KLHL2: variants seen among roughly 807,000 people sequenced by gnomAD.
KLHL2 encodes the protein kelch-like protein 2.
In KLHL2, 15 loss-of-function variants were observed where a neutral mutation model predicts 75.8. The ratio of observed to expected loss-of-function variants is 0.20; its 90% CI spans 0.13 to 0.30. KLHL2 has a LOEUF of 0.30. Among genes scored for constraint, KLHL2 ranks in the 10% least tolerant of loss-of-function variants. KLHL2 has a pLI of 1.00. For missense variants in KLHL2, 381 were observed against 741.0 expected, an observed-to-expected ratio of 0.51 and a Z score of 5.64; for synonymous variants, 214 against 251.9, an observed-to-expected ratio of 0.85 and a Z score of 1.42.
intron 1 of KLHL2, among the ~76,000 whole-genome samples, chr4:165,211,368 C>A (rs1737191669): frequency 6.6e-6 from 1 of 152,052 alleles, no homozygotes; most frequent in Non-Finnish European, 1.5e-5. Flanking sequence ...AAAAACTTAG[C>A]CTTATGAAAA....
At chr4:165,296,953 C>T (rs1744960086) in intron 6 of KLHL2, among the ~76,000 whole-genome samples, 1 of 151,736 alleles carries the variant, frequency 6.6e-6, no homozygotes, top group South Asian at 2.1e-4. Flanking sequence ...TAAAAGGTTG[C>T]CAAAATGTAA....
At chr4:165,216,258 G>A (rs1737535487) in intron 1 of KLHL2, among the ~76,000 whole-genome samples, 2 of 152,168 alleles carry the variant, frequency 1.3e-5, no homozygotes, top group Admixed American at 6.5e-5. Context: ...TGTGTCCACA[G>A]CTGGGAATTT....
intron 5 of KLHL2, chr4:165,278,569 G>A: frequency 2.5e-6 from 4 of 1,610,794 alleles, no homozygotes; most frequent in Admixed American, 1.7e-5. Context: ...CTGGGACGAA[G>A]TAGCAGCCAT....
In KLHL2 at chr4:165,212,339, T is replaced by C. The variant is rs193141400; in HGVS notation, c.26+4437T>C. On this transcript the variant is annotated intron_variant, in intron 1 of 14. Coordinates refer to ENST00000226725, the MANE Select transcript of KLHL2 (RefSeq NM_007246.4). ...GGGTGTCTTTGACGAGGTGATATTTTAGCACAATCCAGAGGGGGAATAGCA... is the reference window on the plus strand; with the variant it reads ...GGGTGTCTTTGACGAGGTGATATTTCAGCACAATCCAGAGGGGGAATAGCA... Among the ~76,000 whole-genome samples, 70 of 152,310 alleles carry C rather than the reference T, an allele frequency of 4.6e-4. No homozygotes were observed. In the East Asian group the frequency reaches 0.012, roughly 26 times the overall value.
At chr4:165,224,832 A>G (rs945694531) in intron 2 of KLHL2, among the ~76,000 whole-genome samples, 9 of 152,222 alleles carry the variant, frequency 5.9e-5, no homozygotes, top group Non-Finnish European at 1.3e-4. Context: ...TCAAGCATTT[A>G]TCCTTGGTGT....
intron 8 of KLHL2, among the ~76,000 whole-genome samples, 192 bp downstream of exon 8, chr4:165,299,848 T>G (rs1330969885): frequency 2.6e-5 from 4 of 152,240 alleles, no homozygotes; most frequent in African/African-American, 2.4e-5. Context: ...GTGGGGATTC[T>G]TTGGTCCGTT....
At chr4:165,264,748 A>ACATATATATATATATATATATATATG (rs1742087560) in intron 5 of KLHL2, among the ~76,000 whole-genome samples, 1 of 76,068 alleles carries the variant, frequency 1.3e-5, no homozygotes, top group Non-Finnish European at 2.6e-5. Flanking sequence ...ATGTATATAT[A>ACATATATATATATATATATATATATG]TATATATATA....
At chr4:165,249,405 T>A (rs896874931) in intron 4 of KLHL2, among the ~76,000 whole-genome samples, 3 of 152,180 alleles carry the variant, frequency 2.0e-5, no homozygotes, top group African/African-American at 7.2e-5. Flanking sequence ...CCTAGATACC[T>A]AAGTGATAGA....
intron 6 of KLHL2, among the ~76,000 whole-genome samples, chr4:165,297,050 A>G (rs189726157): frequency 1.4e-3 from 214 of 152,262 alleles, no homozygotes; most frequent in African/African-American, 4.6e-3. Context: ...ATCCAATTGC[A>G]TATTGTCAAA....
At chr4:165,304,068 G>T (rs1254198900) in intron 8 of KLHL2, among the ~76,000 whole-genome samples, 1 of 151,166 alleles carries the variant, frequency 6.6e-6, no homozygotes, top group African/African-American at 2.4e-5. Context: ...ATTTTTTGTG[G>T]AGAAAGGGGA....
intron 5 of KLHL2, among the ~76,000 whole-genome samples, chr4:165,293,227 C>A (rs979266506): frequency 1.3e-5 from 2 of 152,124 alleles, no homozygotes; most frequent in South Asian, 4.1e-4. Context: ...GTCTTTTCCC[C>A]CCTTGGATGG....
intron 4 of KLHL2, among the ~76,000 whole-genome samples, chr4:165,246,162 A>T (rs1740245682): frequency 2.0e-5 from 3 of 152,172 alleles, no homozygotes; most frequent in African/African-American, 7.2e-5. Flanking sequence ...GTAAAGGCAG[A>T]TAACATTCCA....
At chr4:165,245,494 T>TA (rs1456406347) in intron 4 of KLHL2, among the ~76,000 whole-genome samples, 1 of 152,046 alleles carries the variant, frequency 6.6e-6, no homozygotes, top group African/African-American at 2.4e-5. Context: ...AACCAAGTAA[T>TA]ATTGAGATTG....
chr4:165,251,679 G>A (rs1451611289), intron 4 of KLHL2, among the ~76,000 whole-genome samples: 3 of 144,316 alleles, frequency 2.1e-5, no homozygotes, highest in Non-Finnish European at 4.5e-5. Context: ...GCGGGATCTC[G>A]GCTCACTGCA....
At chr4:165,216,670 G>A (rs1161557799) in intron 1 of KLHL2, among the ~76,000 whole-genome samples, 1 of 152,062 alleles carries the variant, frequency 6.6e-6, no homozygotes, top group East Asian at 1.9e-4. Context: ...TATAGTTTTA[G>A]ACATTATGCA....
At chr4:165,238,038 C>T (rs16999615) in intron 3 of KLHL2, among the ~76,000 whole-genome samples, 66,562 of 151,892 alleles carry the variant, frequency 0.44, 15,604 homozygotes, top group African/African-American at 0.6. Context: ...TTACTGTTTT[C>T]TTTGCAGGCA....
At chr4:165,310,917 C>T (rs1158698122) in intron 10 of KLHL2, among the ~76,000 whole-genome samples, 167 bp downstream of exon 10, 3 of 148,542 alleles carry the variant, frequency 2.0e-5, no homozygotes, top group Non-Finnish European at 4.4e-5. Context: ...TACAGTGGCG[C>T]AATCTCGGCT....
At chr4:165,310,919 A>G (rs1027545827) in intron 10 of KLHL2, among the ~76,000 whole-genome samples, 169 bp downstream of exon 10, 19 of 150,732 alleles carry the variant, frequency 1.3e-4, no homozygotes, top group African/African-American at 3.9e-4. Context: ...CAGTGGCGCA[A>G]TCTCGGCTCA....
intron 6 of KLHL2, among the ~76,000 whole-genome samples, chr4:165,296,658 A>T (rs572813821): frequency 1.8e-4 from 28 of 152,292 alleles, no homozygotes; most frequent in African/African-American, 6.3e-4. Context: ...AAGTCATACC[A>T]GTGAGCAGCA....
Sources: gnomAD v4.1 joint callset for allele counts (sites outside exome capture counted in the v4.1 genomes callset) on GRCh38, gnomAD v4.1.1 for gene constraint, MANE v1.5 for transcripts, NCBI Gene and HGNC (gene_info 2026-07-23, HGNC 2026-07-21) for gene names.